The following BEND7 variants were observed in gnomAD, a reference collection of about 807,000 sequenced individuals.
The protein encoded by BEND7 is BEN domain-containing protein 7.
In BEND7, 28 loss-of-function variants were observed where a neutral mutation model predicts 50.9. The ratio of observed to expected loss-of-function variants is 0.55; its 90% CI spans 0.41 to 0.75. The LOEUF (loss-of-function observed/expected upper bound fraction) is 0.75, where lower values mean the gene tolerates loss of function less well. Ranked by LOEUF, BEND7 falls within the 30% of genes least tolerant of loss-of-function variation. The pLI is 0.00. For missense variants in BEND7, 477 were observed against 491.3 expected (o/e 0.97, Z 0.28); for synonymous variants, 170 against 183.9 (o/e 0.92, Z 0.61).
In BEND7 at chr10:13,498,205, A is replaced by C. The variant is rs536090979; in HGVS notation, c.449-1317T>G. 4.2e-4 allele frequency among the ~76,000 whole-genome samples: 63 copies of C among 150,670 alleles called. 1 individual carries two copies. The highest frequency in any genetic ancestry group is 1.5e-3 in the African/African-American group (62 of 40,978). On this transcript the variant is annotated intron_variant, in intron 3 of 8. Coordinates refer to ENST00000466271, the MANE Select transcript of BEND7 (RefSeq NM_001369863.1). ...CTTCTCATGCCTCAGCCCCCCAAGT[A>C]GCTGGGACTACATGCATGCGCTACC...
intron 3 of BEND7, among the ~76,000 whole-genome samples, chr10:13,498,995 T>C (rs1215227533): frequency 6.6e-6 from 1 of 152,234 alleles, no homozygotes; most frequent in Non-Finnish European, 1.5e-5. Context: ...AATCCTTAAC[T>C]TCTTAAGGAA....
chr10:13,472,647 G>C (rs1042872948), intron 6 of BEND7, among the ~76,000 whole-genome samples: 2 of 151,800 alleles, frequency 1.3e-5, no homozygotes, highest in Admixed American at 6.6e-5. Context: ...TTAGACTCGG[G>C]GTCGATACCC....
At chr10:13,527,956 C>G (rs764828207) in intron 1 of BEND7, 5 of 460,788 alleles carry the variant, frequency 1.1e-5, no homozygotes, top group Non-Finnish European at 1.4e-5. Context: ...CCTTTCCAAC[C>G]CAAATCAGCT....
At chr10:13,511,443 T>A (rs2078268435) in intron 2 of BEND7, 1 of 152,236 alleles carries the variant, frequency 6.6e-6, no homozygotes, top group South Asian at 2.1e-4. Context: ...TTCTTTGTGG[T>A]ATTCTCAAGC....
chr10:13,493,531 G>A (rs924565100), intron 4 of BEND7, among the ~76,000 whole-genome samples: 1 of 152,162 alleles, frequency 6.6e-6, no homozygotes, highest in Non-Finnish European at 1.5e-5. Context: ...CCTCAGACCA[G>A]GCTACTTCTC....
intron 6 of BEND7, among the ~76,000 whole-genome samples, chr10:13,459,012 T>G (rs915387952): frequency 3.3e-5 from 5 of 152,240 alleles, no homozygotes; most frequent in African/African-American, 1.2e-4. Flanking sequence ...GCAGCTTAAA[T>G]GACTGGCCTG....
chr10:13,503,809 T>C (rs2077661174), intron 2 of BEND7, among the ~76,000 whole-genome samples: 1 of 152,048 alleles, frequency 6.6e-6, no homozygotes, highest in Admixed American at 6.5e-5. Context: ...AGCTGAGAGG[T>C]GAGCTGAGAG....
At chr10:13,477,807 G>A (rs1322067512) in intron 6 of BEND7, among the ~76,000 whole-genome samples, 6 of 152,156 alleles carry the variant, frequency 3.9e-5, no homozygotes, top group Admixed American at 6.5e-5. Flanking sequence ...ATAAATTAAC[G>A]TCAAAGTCAA....
Position 13,450,513 on chromosome 10 carries a change from G to A in BEND7, c.1183+2026C>T, listed in dbSNP as rs1220156719. 3.9e-5 allele frequency among the ~76,000 whole-genome samples: 6 copies of A among 152,312 alleles called. No individual in the cohort carries two copies. The Middle Eastern group carries it at 0.01, about 259-fold the overall frequency. The stretch of plus-strand genomic sequence containing the variant: ...GTGGAACAGGATTTGACAAAATGGG[G>A]AGACAAACTGTATTTGGCAGGTCAT... On this transcript the variant is annotated intron_variant, in intron 7 of 8. Transcript: ENST00000466271.
intron 2 of BEND7, among the ~76,000 whole-genome samples, chr10:13,501,373 T>G (rs1292590674): frequency 7.6e-5 from 1 of 13,218 alleles, no homozygotes; most frequent in Admixed American, 1.0e-3. Context: ...AAACTCCATC[T>G]CAAAAAAAAA....
chr10:13,526,274 A>C (rs886876315), intron 1 of BEND7, 53 bp from the exon 2 acceptor site: 8 of 904,688 alleles, frequency 8.8e-6, no homozygotes, highest in South Asian at 4.5e-5. Flanking sequence ...CAAGATAGGA[A>C]TAAGCAGTCA....
chr10:13,474,290 C>T (rs574489601), intron 6 of BEND7, among the ~76,000 whole-genome samples: 7 of 151,556 alleles, frequency 4.6e-5, no homozygotes, highest in South Asian at 2.1e-4. Context: ...TACCCGTCAT[C>T]GCTGTTAGAT....
At chr10:13,480,734 G>T in intron 6 of BEND7, 165 bp downstream of exon 6, 1 of 985,304 alleles carries the variant, frequency 1.0e-6, no homozygotes, top group Non-Finnish European at 1.2e-6. Flanking sequence ...TGGTACTTGG[G>T]GTGGTGAATT....
At chr10:13,439,361 G>C, downstream of BEND7, 2 of 1,614,142 alleles carry the variant, frequency 1.2e-6, no homozygotes, top group South Asian at 2.2e-5. Context: ...GGTTGTTCAG[G>C]AGCACGAGAT....
At chr10:13,483,020 A>AT in intron 5 of BEND7, among the ~76,000 whole-genome samples, 1 of 151,992 alleles carries the variant, frequency 6.6e-6, no homozygotes, top group South Asian at 2.1e-4. Flanking sequence ...CTGATCTTGG[A>AT]TTTTTGCTAA....
chr10:13,504,349 G>A (rs1455202040), intron 2 of BEND7, among the ~76,000 whole-genome samples: 1 of 152,198 alleles, frequency 6.6e-6, no homozygotes, highest in Admixed American at 6.5e-5. Flanking sequence ...TAAAGCAAGA[G>A]TCTGAACCCT....
rs146214864 is a variant in BEND7 at position 13,525,306 on chromosome 10, T to A, written c.145+832A>T. ...TTGTGTGCAAATAAAAAACTGCACATCCAAAGTCTTTCCTGTACAGTATTT... is the reference window on the plus strand; with the variant it reads ...TTGTGTGCAAATAAAAAACTGCACAACCAAAGTCTTTCCTGTACAGTATTT... On this transcript the variant is annotated intron_variant, in intron 2 of 8. Transcript: ENST00000466271. Among the ~76,000 whole-genome samples the A allele has an allele frequency of 4.5e-4, 69 of 152,308 alleles. No individual in the cohort carries two copies. The East Asian group carries it at 0.013, about 29-fold the overall frequency.
At chr10:13,522,004 G>A (rs1271663278) in intron 2 of BEND7, among the ~76,000 whole-genome samples, 3 of 152,186 alleles carry the variant, frequency 2.0e-5, no homozygotes, top group African/African-American at 7.2e-5. Context: ...CAGAGATGTC[G>A]ACCCTGCTCA....
downstream of BEND7, among the ~76,000 whole-genome samples, chr10:13,440,103 G>A (rs1435525388): frequency 6.6e-6 from 1 of 152,196 alleles, no homozygotes; most frequent in Non-Finnish European, 1.5e-5. Flanking sequence ...TGACGACTGA[G>A]GCAGGTGTGC....
Sources: gnomAD v4.1 joint callset for allele counts (sites outside exome capture counted in the v4.1 genomes callset) on GRCh38, gnomAD v4.1.1 for gene constraint, MANE v1.5 for transcripts, NCBI Gene and HGNC (gene_info 2026-07-23, HGNC 2026-07-21) for gene names.